Variants in RYR2 observed in about 807,000 individuals in gnomAD.
RYR2 encodes cardiac muscle ryanodine receptor-calcium release channel.
Under a neutral mutation model 601.1 loss-of-function variants are expected in RYR2, and 227 were observed. The ratio of observed to expected loss-of-function variants is 0.38; its 90% CI spans 0.34 to 0.42. The LOEUF (loss-of-function observed/expected upper bound fraction) is 0.42. Ranked by LOEUF, RYR2 falls within the 10% of genes least tolerant of loss-of-function variation. The pLI is 1.00. For synonymous variants in RYR2, 2,223 were observed against 2,175.1 expected, an observed-to-expected ratio of 1.02 and a Z score of -0.61; for missense variants, 4,646 against 6,156.5, an observed-to-expected ratio of 0.75 and a Z score of 8.21.
chr1:237,788,010 G>T lies in RYR2; in HGVS notation c.13351G>T (p.Glu4451Ter). The change falls in exon 92 of 105, where the codon GAG becomes TAG. Residue 4451 changes from glutamate (E) to a stop codon, truncating the protein, a stop_gained. Transcript: ENST00000366574. LOFTEE classifies it high-confidence loss of function. ...KAEGEDGEKE[E>*]KAKEDKGKQK... ...TAGGGGAGAAGATGGAGAAAAAGAA[G>T]AGAAAGCCAAGGAAGACAAGGGCAA... 1 of 1,598,652 alleles carries T rather than the reference G, an allele frequency of 6.3e-7. No individual in the cohort carries two copies. The highest frequency in any genetic ancestry group is 2.2e-5 in the East Asian group (1 of 44,456).
intron 10 of RYR2, among the ~76,000 whole-genome samples, chr1:237,415,247 G>A (rs1704856127): frequency 6.6e-6 from 1 of 152,060 alleles, no homozygotes; most frequent in Non-Finnish European, 1.5e-5. Flanking sequence ...TCATTGGTGA[G>A]GGTGCACATA....
At position 237,565,171 on chromosome 1, in the gene RYR2, CTT is replaced by C. The variant is rs763700899; in HGVS notation, c.3215-1394_3215-1393del. 8.3e-3 allele frequency among the ~76,000 whole-genome samples: 255 copies of C among 30,666 alleles called. 1 individual carries two copies. The highest frequency in any genetic ancestry group is 0.015 in the African/African-American group (194 of 13,152). The allele number at this position is 30,666 out of a possible 152,430, so 20.1% of individuals were successfully genotyped here. On this transcript the variant is annotated intron_variant, in intron 27 of 104. Transcript: ENST00000366574. ...TTTCTTTCTTTCTCTTTCTTTCTTT[CTT>C]TCTTTCTTTCTTTCTTTCTTTCTTT...
intron 12 of RYR2, among the ~76,000 whole-genome samples, chr1:237,431,933 C>A (rs1342839784): frequency 6.6e-6 from 1 of 152,118 alleles, no homozygotes; most frequent in Non-Finnish European, 1.5e-5. Context: ...ATTTTAAAAT[C>A]TGATAATTTT....
chr1:237,371,563 A>G (rs1406468196), intron 6 of RYR2, among the ~76,000 whole-genome samples: 2 of 152,232 alleles, frequency 1.3e-5, no homozygotes, highest in Admixed American at 1.3e-4. Flanking sequence ...ATATTATACA[A>G]TATCTGTAAT....
chr1:237,808,853 G>A, intron 99 of RYR2, 48 bp from the exon 100 acceptor site: 1 of 1,602,288 alleles, frequency 6.2e-7, no homozygotes, highest in African/African-American at 1.3e-5. Context: ...CGTGTCAATT[G>A]TATGTCCTAC....
intron 32 of RYR2, 130 bp downstream of exon 32, chr1:237,591,983 T>C (rs1675255234): frequency 1.4e-6 from 1 of 727,914 alleles, no homozygotes; most frequent in African/African-American, 1.8e-5. Context: ...TTTTTGGATA[T>C]ATTTTGGGGA....
At chr1:237,257,704 A>G (rs1688128100) in intron 1 of RYR2, among the ~76,000 whole-genome samples, 1 of 152,158 alleles carries the variant, frequency 6.6e-6, no homozygotes, top group Non-Finnish European at 1.5e-5. Flanking sequence ...TAAACTAAGC[A>G]GTTATAGAGT....
At chr1:237,479,021 G>A (rs571586549) in intron 17 of RYR2, among the ~76,000 whole-genome samples, 4 of 152,296 alleles carry the variant, frequency 2.6e-5, no homozygotes, top group South Asian at 4.1e-4. Context: ...TGGAGGCTTC[G>A]TAACCCACCT....
chr1:237,658,952 A>G (rs1286568866), intron 54 of RYR2, among the ~76,000 whole-genome samples: 1 of 152,226 alleles, frequency 6.6e-6, no homozygotes, highest in Non-Finnish European at 1.5e-5. Context: ...AGGAAATCTT[A>G]TGCCTACAGG....
intron 1 of RYR2, among the ~76,000 whole-genome samples, chr1:237,095,626 C>T (rs970345590): frequency 1.3e-5 from 2 of 152,212 alleles, no homozygotes; most frequent in African/African-American, 4.8e-5. Flanking sequence ...AGGAGCTAAC[C>T]TTCAGTGTTC....
chr1:237,448,057 G>T (rs1349933497), intron 14 of RYR2, among the ~76,000 whole-genome samples: 1 of 151,886 alleles, frequency 6.6e-6, no homozygotes, highest in East Asian at 1.9e-4. Context: ...TTCCCAAGTG[G>T]CTAGGATTAC....
At chr1:237,673,984 T>A in intron 58 of RYR2, 112 bp from the exon 59 acceptor site, 1 of 757,678 alleles carries the variant, frequency 1.3e-6, no homozygotes, top group South Asian at 1.9e-5. Flanking sequence ...ATGCTCTATG[T>A]ATTATTAAAG....
intron 29 of RYR2, among the ~76,000 whole-genome samples, chr1:237,585,980 A>G (rs978232073): frequency 1.3e-5 from 2 of 152,226 alleles, no homozygotes; most frequent in Admixed American, 6.5e-5. Flanking sequence ...GAAAAAATTG[A>G]CTTTTAATAC....
intron 24 of RYR2, among the ~76,000 whole-genome samples, chr1:237,527,471 C>T (rs1319430627): frequency 6.6e-6 from 1 of 152,188 alleles, no homozygotes; most frequent in African/African-American, 2.4e-5. Context: ...GCACCCCAAA[C>T]TTACCCCAGT....
chr1:237,061,931 G>T (rs985704389), intron 1 of RYR2, among the ~76,000 whole-genome samples: 12 of 152,098 alleles, frequency 7.9e-5, no homozygotes, highest in African/African-American at 1.7e-4. Context: ...ATAGTTTGAG[G>T]TAGAGATCAG....
At chr1:237,473,526 G>T (rs988899808) in intron 17 of RYR2, among the ~76,000 whole-genome samples, 1 of 150,430 alleles carries the variant, frequency 6.6e-6, no homozygotes, top group African/African-American at 2.4e-5. Flanking sequence ...AATAATTCCA[G>T]TTAGATTCAT....
chr1:237,541,000 C>A (rs1448117074), intron 25 of RYR2, among the ~76,000 whole-genome samples: 1 of 151,894 alleles, frequency 6.6e-6, no homozygotes, highest in South Asian at 2.1e-4. Context: ...AATGTGTACC[C>A]GTATGTATAC....
At chr1:237,176,287 A>AT (rs11373427) in intron 1 of RYR2, among the ~76,000 whole-genome samples, 138,624 of 145,816 alleles carry the variant, frequency 0.95, 66,137 homozygotes, top group Non-Finnish European at 0.99. Flanking sequence ...ATATAAAAAT[A>AT]ATATATAAAT....
chr1:237,766,755 A>G (rs772653386), intron 84 of RYR2, among the ~76,000 whole-genome samples: 77 of 152,196 alleles, frequency 5.1e-4, no homozygotes, highest in Non-Finnish European at 1.0e-4. Flanking sequence ...CGCTCCAGCT[A>G]GTTTAATTTG....
Sources: allele counts gnomAD v4.1 joint callset (sites outside exome capture counted in the v4.1 genomes callset), GRCh38; gene constraint gnomAD v4.1.1; transcripts MANE v1.5; gene names NCBI Gene and HGNC (gene_info 2026-07-23, HGNC 2026-07-21).